PCDH15: variants seen among roughly 807,000 people sequenced by gnomAD.
PCDH15 encodes protocadherin related 15, also known as protocadherin-15.
PCDH15 carries 129 observed loss-of-function variants against 178.5 expected under a neutral mutation model. The observed-to-expected ratio is 0.72, with a 90% CI of 0.63 to 0.84. PCDH15 has a LOEUF of 0.84. Ranked by LOEUF, PCDH15 falls within the 40% of genes least tolerant of loss-of-function variation. The pLI, the probability that PCDH15 is intolerant of heterozygous loss-of-function variation, is 0.00. For synonymous variants in PCDH15, 800 were observed against 732.0 expected (o/e 1.09, Z -1.50); for missense variants, 2,230 against 2,099.9 (o/e 1.06, Z -1.21).
At chr10:53,941,172 T>C (rs1238815631) in intron 23 of PCDH15, among the ~76,000 whole-genome samples, 197 bp from the exon 24 acceptor site, 1 of 152,190 alleles carries the variant, frequency 6.6e-6, no homozygotes, top group Admixed American at 6.5e-5. Flanking sequence ...CATTGACCCA[T>C]TATCACTGAA....
At chr10:54,401,627 A>G (rs1031945882) in intron 3 of PCDH15, among the ~76,000 whole-genome samples, 1 of 151,908 alleles carries the variant, frequency 6.6e-6, no homozygotes, top group Non-Finnish European at 1.5e-5. Context: ...AAGAAATTAC[A>G]GAAATCTAAA....
At position 54,114,359 on chromosome 10, in the gene PCDH15, C is replaced by T. The variant is rs1029678775; in HGVS notation, c.1917+18516G>A. Among the ~76,000 whole-genome samples the T allele has an allele frequency of 2.0e-5, 3 of 152,212 alleles. No individual in the cohort carries two copies. The East Asian group carries it at 5.8e-4, about 29-fold the overall frequency. Reference sequence around the variant, plus strand: ...AGAGGCTGCTTGAAAATGAAGTCTACACAGAGCTAACCAATAAGAAGACAG... The same window carrying T: ...AGAGGCTGCTTGAAAATGAAGTCTATACAGAGCTAACCAATAAGAAGACAG... On this transcript the variant is annotated intron_variant, in intron 15 of 37. Coordinates refer to ENST00000644397, the MANE Select transcript of PCDH15 (RefSeq NM_001384140.1).
chr10:55,103,109 T>C lies in PCDH15; in HGVS notation c.-80+63467A>G, dbSNP rs1026283515. On this transcript the variant is annotated intron_variant, in intron 2 of 5. Coordinates refer to the PCDH15 transcript ENST00000458638. ...ATATATGGTAATTTCTCTCTGATTTTTCTTTTTTTTTTTTTTTGCTTTTCC... is the reference window on the plus strand; with the variant it reads ...ATATATGGTAATTTCTCTCTGATTTCTCTTTTTTTTTTTTTTTGCTTTTCC... Among the ~76,000 whole-genome samples, 2 of 142,086 alleles carry C rather than the reference T, an allele frequency of 1.4e-5. 1 individual carries two copies. Among genetic ancestry groups the C allele is most frequent in the Non-Finnish European group, 2.9e-5 (2 of 67,830 alleles). The allele number at this position is 142,086 out of a possible 152,430, so 93.2% of individuals were successfully genotyped here.
upstream of PCDH15, among the ~76,000 whole-genome samples, chr10:55,320,380 C>T (rs1843857942): frequency 6.6e-6 from 1 of 152,054 alleles, no homozygotes; most frequent in Admixed American, 6.6e-5. Context: ...CCCCCACCAC[C>T]ACCACTGCAA....
chr10:54,686,041 A>ATTTTTTTTT (rs66539612), intron 1 of PCDH15, among the ~76,000 whole-genome samples: 56 of 126,858 alleles, frequency 4.4e-4, no homozygotes, highest in African/African-American at 5.6e-4. Flanking sequence ...AAGACAGCCA[A>ATTTTTTTTT]TTTTTTTTTT....
intron 21 of PCDH15, among the ~76,000 whole-genome samples, chr10:53,970,216 T>G (rs1402288974): frequency 6.6e-6 from 1 of 151,840 alleles, no homozygotes; most frequent in Non-Finnish European, 1.5e-5. Context: ...AATCCTAGTC[T>G]CTGATAAAAC....
At chr10:54,712,334 A>G (rs1045112926) in intron 1 of PCDH15, among the ~76,000 whole-genome samples, 1 of 151,878 alleles carries the variant, frequency 6.6e-6, no homozygotes. Flanking sequence ...TTAAGCATTA[A>G]TTTATATTGC....
intron 29 of PCDH15, 51 bp downstream of exon 29, chr10:53,840,269 A>G (rs1206735568): frequency 6.4e-7 from 1 of 1,556,146 alleles, no homozygotes; most frequent in East Asian, 2.2e-5. Flanking sequence ...AGAATCATCT[A>G]TGGTTGCTAT....
chr10:54,921,327 T>A (rs1046574761), intron 2 of PCDH15, among the ~76,000 whole-genome samples: 1 of 151,866 alleles, frequency 6.6e-6, no homozygotes, highest in African/African-American at 2.4e-5. Context: ...TTATTTATTT[T>A]TTTTTACTTT....
chr10:54,123,745 A>C (rs2041754786), intron 15 of PCDH15, among the ~76,000 whole-genome samples: 1 of 152,164 alleles, frequency 6.6e-6, no homozygotes, highest in South Asian at 2.1e-4. Flanking sequence ...AAGGACATGG[A>C]ATCAACCTAG....
chr10:55,552,079 C>T (rs1413389856), intron 2 of PCDH15, among the ~76,000 whole-genome samples: 1 of 151,684 alleles, frequency 6.6e-6, no homozygotes, highest in African/African-American at 2.4e-5. Flanking sequence ...TTATTTATTG[C>T]TTTCTTACAT....
At chr10:55,301,871 G>C (rs1843290301) in intron 1 of PCDH15, among the ~76,000 whole-genome samples, 1 of 152,036 alleles carries the variant, frequency 6.6e-6, no homozygotes, top group Non-Finnish European at 1.5e-5. Context: ...AATTGCTTTT[G>C]CACTTTTGTC....
intron 2 of PCDH15, among the ~76,000 whole-genome samples, chr10:55,347,435 T>C (rs1456029530): frequency 2.0e-5 from 3 of 152,080 alleles, no homozygotes; most frequent in Non-Finnish European, 4.4e-5. Context: ...CATAAATAAG[T>C]ACAATAAAAC....
intron 3 of PCDH15, among the ~76,000 whole-genome samples, chr10:54,858,329 G>C (rs1281535154): frequency 6.6e-6 from 1 of 152,106 alleles, no homozygotes; most frequent in Non-Finnish European, 1.5e-5. Flanking sequence ...CACTTCAGTT[G>C]ATTCCACGTC....
rs775645118 is a variant in PCDH15 at position 53,823,172 on chromosome 10, A to G, written c.4368-2942T>C. The stretch of plus-strand genomic sequence containing the variant: ...GATTATGGGCACTTAAGTCATCCTC[A>G]TCAGATAGAAATGTGAATTTTCTTG... On this transcript the variant is annotated intron_variant, in intron 32 of 37. Transcript: ENST00000644397. 1 of 1,613,970 alleles carries G rather than the reference A, an allele frequency of 6.2e-7. No individual in the cohort carries two copies. The highest frequency in any genetic ancestry group is 2.2e-5 in the East Asian group (1 of 44,872).
chr10:54,654,514 C>T (rs1186924096), intron 2 of PCDH15, among the ~76,000 whole-genome samples: 1 of 152,134 alleles, frequency 6.6e-6, no homozygotes, highest in Non-Finnish European at 1.5e-5. Flanking sequence ...GAAGTAGTTA[C>T]TGGAAGCCAT....
intron 1 of PCDH15, among the ~76,000 whole-genome samples, chr10:55,212,502 C>G (rs955211505): frequency 6.6e-6 from 1 of 151,966 alleles, no homozygotes; most frequent in Non-Finnish European, 1.5e-5. Flanking sequence ...TTGGGTGATA[C>G]TCCAGACAAT....
intron 2 of PCDH15, among the ~76,000 whole-genome samples, chr10:54,584,023 T>C (rs2091262988): frequency 6.6e-6 from 1 of 152,110 alleles, no homozygotes; most frequent in Non-Finnish European, 1.5e-5. Context: ...AAGATACACA[T>C]GCTTCAGAAT....
At chr10:54,656,668 G>T (rs1352157872) in intron 2 of PCDH15, among the ~76,000 whole-genome samples, 1 of 152,056 alleles carries the variant, frequency 6.6e-6, no homozygotes, top group South Asian at 2.1e-4. Flanking sequence ...CAATCAAAGG[G>T]AAACAGAGAG....
Sources: allele counts gnomAD v4.1 joint callset (sites outside exome capture counted in the v4.1 genomes callset), GRCh38; gene constraint gnomAD v4.1.1; transcripts MANE v1.5; gene names NCBI Gene and HGNC (gene_info 2026-07-23, HGNC 2026-07-21).